SEZ6: variants seen among roughly 807,000 people sequenced by gnomAD.
SEZ6 encodes seizure protein 6 homolog.
SEZ6 carries 53 observed loss-of-function variants against 101.0 expected under a neutral mutation model. That is an observed-to-expected ratio of 0.52 (90% CI 0.42 to 0.66). The LOEUF is 0.66. SEZ6 is among the 30% of genes least tolerant of loss of function. SEZ6 has a pLI of 0.00. For missense variants in SEZ6, 1,102 were observed against 1,289.4 expected, an observed-to-expected ratio of 0.85 and a Z score of 2.23; for synonymous variants, 488 against 512.2, an observed-to-expected ratio of 0.95 and a Z score of 0.64.
intron 3 of SEZ6, among the ~76,000 whole-genome samples, chr17:28,978,760 A>T (rs933436868): frequency 6.6e-6 from 1 of 151,494 alleles, no homozygotes; most frequent in Admixed American, 6.6e-5. Flanking sequence ...GGAGGTGGAG[A>T]TGGGTAGAGT....
rs2040962561 is a variant in SEZ6, at chr17:28,960,627, T to TA, written c.1453dup (p.Tyr485LeufsTer2). The TA allele has an allele frequency of 6.3e-7, 1 of 1,594,872 alleles. No individual in the cohort carries two copies. The highest frequency in any genetic ancestry group is 8.5e-7 in the Non-Finnish European group (1 of 1,170,834). ...CAGGTATTCCACCTCATAGGAATCA[T>TA]ACACTGGTGGGGCCTCCACGTTGTC... On this transcript the variant is annotated frameshift_variant, in exon 7 of 17. Coordinates refer to ENST00000317338, the MANE Select transcript of SEZ6 (RefSeq NM_178860.5). LOFTEE classifies it high-confidence loss of function.
At position 28,957,066 on chromosome 17, in the gene SEZ6, G is replaced by T. The variant is rs747461463; in HGVS notation, c.2671C>A (p.Pro891Thr). 2.5e-6 allele frequency: 4 copies of T among 1,601,046 alleles called. No homozygotes were observed. The highest frequency in any genetic ancestry group is 3.4e-6 in the Non-Finnish European group (4 of 1,171,466). The change falls in exon 13 of 17, where the codon CCC becomes ACC. Residue 891 changes from proline to threonine, a missense_variant. This residue lies in a region of SEZ6 where 140 missense variants were observed against 135.7 expected (regional missense o/e 1.03). Transcript: ENST00000317338. ...VPGHPSHWSD[P>T]PPICRAASLD... ...TCACCAGCCCTACAGATGGGTGGGG[G>T]GTCACTCCAATGCGAGGGGTGCCCA...
chr17:28,960,481 C>T, intron 7 of SEZ6, 24 bp downstream of exon 7: 1 of 1,578,190 alleles, frequency 6.3e-7, no homozygotes, highest in African/African-American at 1.4e-5. Flanking sequence ...CCCGCCACCC[C>T]CAGTGAGGCC....
intron 1 of SEZ6, among the ~76,000 whole-genome samples, chr17:28,994,160 A>G (rs1410048333): frequency 6.6e-6 from 1 of 152,164 alleles, no homozygotes; most frequent in Non-Finnish European, 1.5e-5. Context: ...GTGAGGCCTT[A>G]TTAGAAGGCC....
At chr17:28,990,425 A>T (rs183954479) in intron 1 of SEZ6, among the ~76,000 whole-genome samples, 1 of 152,122 alleles carries the variant, frequency 6.6e-6, no homozygotes, top group Non-Finnish European at 1.5e-5. Flanking sequence ...CACCACACCC[A>T]GACAGTTTTT....
chr17:28,960,286 G>A lies in SEZ6; in HGVS notation c.1576+219C>T, dbSNP rs1598179845. 1.7e-5 allele frequency: 11 copies of A among 643,286 alleles called. No individual in the cohort carries two copies. The South Asian group carries it at 2.1e-4, about 12-fold the overall frequency. The allele number at this position is 643,286 out of a possible 1,614,324, so 39.8% of individuals were successfully genotyped here. On this transcript the variant is annotated intron_variant, in intron 7 of 16. Transcript: ENST00000317338. Reference sequence around the variant, plus strand: ...GAGAATTTATTCCCTTGGACCATAGGGCCTGGGTCCAGGCAGAGGTTTCCT... The same window carrying A: ...GAGAATTTATTCCCTTGGACCATAGAGCCTGGGTCCAGGCAGAGGTTTCCT...
At chr17:28,993,481 T>C (rs528110362) in intron 1 of SEZ6, among the ~76,000 whole-genome samples, 5 of 152,140 alleles carry the variant, frequency 3.3e-5, no homozygotes, top group Non-Finnish European at 7.4e-5. Context: ...AGACCATATT[T>C]CTCTGAATGG....
chr17:28,968,115 G>A (rs1373641966), intron 4 of SEZ6, among the ~76,000 whole-genome samples: 2 of 152,216 alleles, frequency 1.3e-5, no homozygotes, highest in South Asian at 2.1e-4. Flanking sequence ...GAGCACAGGT[G>A]TGGGTACTAG....
At chr17:28,958,506 C>G (rs2040919797) in intron 10 of SEZ6, among the ~76,000 whole-genome samples, 1 of 152,122 alleles carries the variant, frequency 6.6e-6, no homozygotes, top group Non-Finnish European at 1.5e-5. Flanking sequence ...GAAAGTTGTT[C>G]TGGCCAGGTG....
At chr17:28,982,218 T>C (rs1195573739) in intron 1 of SEZ6, among the ~76,000 whole-genome samples, 179 bp from the exon 2 acceptor site, 2 of 152,122 alleles carry the variant, frequency 1.3e-5, no homozygotes, top group African/African-American at 4.8e-5. Context: ...TATTACATAC[T>C]TCAAGGGTGG....
chr17:29,006,000 TGCCGCC>T lies in SEZ6; in HGVS notation c.-137_-132del. On this transcript the variant is annotated 5_prime_UTR_variant, in exon 1 of 17. Transcript: ENST00000317338. This position sits in a 1 kb window ranked among gnomAD's most constrained non-coding sequence, Gnocchi z 4.8. The stretch of plus-strand genomic sequence containing the variant: ...GCGGGGCCGCAGCCGTCACCGCCGC[TGCCGCC>T]GCCAGCGCCTGACAGAATCAGCACC... The T allele has an allele frequency of 1.4e-6, 1 of 720,856 alleles. No individual in the cohort carries two copies. The highest frequency in any genetic ancestry group is 1.9e-6 in the Non-Finnish European group (1 of 531,136). 44.7% of individuals were successfully genotyped at this position (720,856 alleles called of 1,614,324 possible). A position where few individuals can be genotyped will look rare whatever the true frequency, so the allele number is the denominator to read the frequency against.
At chr17:28,964,694 TA>T (rs1355384690) in intron 4 of SEZ6, among the ~76,000 whole-genome samples, 3 of 152,202 alleles carry the variant, frequency 2.0e-5, no homozygotes, top group African/African-American at 7.2e-5. Context: ...AATCAGACAG[TA>T]AAGGCTTTCC....
At chr17:29,004,356 TCTC>T (rs1300932526) in intron 1 of SEZ6, among the ~76,000 whole-genome samples, 11 of 152,024 alleles carry the variant, frequency 7.2e-5, no homozygotes, top group Non-Finnish European at 1.0e-4. Flanking sequence ...GATTCACACT[TCTC>T]CTTCCCGGTC....
intron 1 of SEZ6, among the ~76,000 whole-genome samples, chr17:28,985,024 C>T (rs1176586760): frequency 6.6e-6 from 1 of 152,176 alleles, no homozygotes; most frequent in Non-Finnish European, 1.5e-5. Context: ...ATTTTATTTC[C>T]ATTTTACAAA....
intron 1 of SEZ6, among the ~76,000 whole-genome samples, chr17:29,004,489 A>G (rs2041657960): frequency 6.6e-6 from 1 of 152,166 alleles, no homozygotes; most frequent in Non-Finnish European, 1.5e-5. Flanking sequence ...CGGGGTGAGG[A>G]CACTGGGCTG....
intron 1 of SEZ6, among the ~76,000 whole-genome samples, chr17:28,986,098 C>A (rs1379032095): frequency 1.3e-5 from 2 of 152,358 alleles, no homozygotes; most frequent in South Asian, 2.1e-4. Context: ...GCCGCCTGGG[C>A]CCTCCCCCCG....
At chr17:28,970,203 G>C (rs1182652269) in intron 3 of SEZ6, among the ~76,000 whole-genome samples, 3 of 152,168 alleles carry the variant, frequency 2.0e-5, no homozygotes, top group Admixed American at 6.6e-5. Flanking sequence ...GCAGAACTGG[G>C]GTTTGTAAAC....
In SEZ6 at chr17:28,956,765, A is replaced by G; in HGVS notation, c.2693-8T>C. The G allele has an allele frequency of 6.4e-7, 1 of 1,561,978 alleles. No homozygotes were observed. The highest frequency in any genetic ancestry group is 1.2e-5 in the South Asian group (1 of 84,588). On this transcript the variant is annotated splice_region_variant and splice_polypyrimidine_tract_variant and intron_variant, in intron 13 of 16. Transcript: ENST00000317338. ...AGAACCCATCCAGAGAGGCTGGAAC[A>G]AAAGGGGAGGGCCAAGGGCAGTGAG... is the stretch of plus-strand genomic sequence containing the variant.
chr17:28,984,679 C>A (rs539590886), intron 1 of SEZ6, among the ~76,000 whole-genome samples: 8 of 152,208 alleles, frequency 5.3e-5, no homozygotes, highest in Non-Finnish European at 1.0e-4. Context: ...CCAGCGGGTG[C>A]CACCCACTGT....
Sources: allele counts gnomAD v4.1 joint callset (sites outside exome capture counted in the v4.1 genomes callset), GRCh38; gene constraint gnomAD v4.1.1; regional missense constraint gnomAD v4.1.1; non-coding constraint Gnocchi (gnomAD v3.1); transcripts MANE v1.5; gene names NCBI Gene and HGNC (gene_info 2026-07-23, HGNC 2026-07-21).